Variants in PALM2AKAP2 observed in about 807,000 individuals in gnomAD.
PALM2AKAP2 encodes PALM2 and AKAP2 fusion.
A neutral mutation model predicts 71.5 loss-of-function variants in PALM2AKAP2; 37 were observed. The ratio of observed to expected loss-of-function variants is 0.52; its 90% CI spans 0.40 to 0.68. PALM2AKAP2 has a LOEUF of 0.68. Ranked by LOEUF, PALM2AKAP2 falls within the 30% of genes least tolerant of loss-of-function variation. PALM2AKAP2 has a pLI of 0.00. For synonymous variants in PALM2AKAP2, 468 were observed against 478.8 expected, an observed-to-expected ratio of 0.98 and a Z score of 0.29; for missense variants, 1,224 against 1,191.8, an observed-to-expected ratio of 1.03 and a Z score of -0.40.
At chr9:109,946,783 G>A (rs1389698256) in intron 6 of PALM2AKAP2, 2 of 147,548 alleles carry the variant, frequency 1.4e-5, no homozygotes, top group Non-Finnish European at 3.0e-5. Flanking sequence ...TATCTCATTT[G>A]TATACAAATA....
At chr9:109,651,574 C>G (rs527350999) in intron 1 of PALM2AKAP2, among the ~76,000 whole-genome samples, 6 of 152,320 alleles carry the variant, frequency 3.9e-5, no homozygotes, top group Admixed American at 3.3e-4. Flanking sequence ...CACTGAAAGT[C>G]TTATGAGAAC....
At chr9:110,051,963 C>T (rs931447648) in intron 1 of PALM2AKAP2, among the ~76,000 whole-genome samples, 19 of 150,846 alleles carry the variant, frequency 1.3e-4, no homozygotes, top group African/African-American at 2.9e-4. Context: ...AATGCAGTGG[C>T]GCGATCTCGG....
chr9:110,133,246 C>T (rs1835773593), intron 1 of PALM2AKAP2, among the ~76,000 whole-genome samples: 2 of 152,150 alleles, frequency 1.3e-5, no homozygotes, highest in Non-Finnish European at 2.9e-5. Flanking sequence ...GAAAAGTGTT[C>T]TTGGGAAATG....
intron 7 of PALM2AKAP2, among the ~76,000 whole-genome samples, chr9:110,016,727 G>C (rs938530175): frequency 2.0e-5 from 3 of 152,150 alleles, no homozygotes; most frequent in Non-Finnish European, 2.9e-5. Flanking sequence ...TCCTCTCTTA[G>C]AACTCTGCTA....
chr9:109,851,215 A>C lies in PALM2AKAP2; in HGVS notation c.46-16276A>C, dbSNP rs375618397. Among the ~76,000 whole-genome samples the C allele has an allele frequency of 5.2e-3, 454 of 87,070 alleles. 6 individuals carry two copies. Among genetic ancestry groups the C allele is most frequent in the African/African-American group, 0.023 (424 of 18,088 alleles). 57.1% of individuals were successfully genotyped at this position (87,070 alleles called of 152,430 possible). ...ACAACAACAACAACAACAACAAAAA[A>C]AAAAAAACACTACCTGGTAGTGTTT... is the stretch of plus-strand genomic sequence containing the variant. On this transcript the variant is annotated intron_variant, in intron 1 of 9. Transcript: ENST00000302798.
intron 1 of PALM2AKAP2, among the ~76,000 whole-genome samples, chr9:109,725,840 A>G (rs1228084702): frequency 6.6e-6 from 1 of 152,244 alleles, no homozygotes; most frequent in Non-Finnish European, 1.5e-5. Context: ...AAAAAGTAGC[A>G]AAATGGAATG....
chr9:110,005,361 A>G lies in PALM2AKAP2; in HGVS notation c.497-10593A>G, dbSNP rs773000459. Among the ~76,000 whole-genome samples the G allele has an allele frequency of 2.0e-5, 3 of 152,176 alleles. 1 individual carries two copies. Among genetic ancestry groups the G allele is most frequent in the South Asian group, 4.1e-4 (2 of 4,834 alleles). ...CAGCAGATATTGGTGAACAGCAAAT[A>G]TTGCTCCCTGATCATTCCTCTGGAA... On this transcript the variant is annotated intron_variant, in intron 6 of 9. Transcript: ENST00000302798.
chr9:109,931,881 C>A, intron 5 of PALM2AKAP2, 46 bp from the exon 6 acceptor site: 1 of 1,598,984 alleles, frequency 6.3e-7, no homozygotes. Flanking sequence ...ACCCATTGGG[C>A]CTCCCAACAC....
chr9:109,921,071 G>A (rs559120691), intron 3 of PALM2AKAP2, among the ~76,000 whole-genome samples: 16 of 152,320 alleles, frequency 1.1e-4, no homozygotes, highest in Admixed American at 6.5e-5. Context: ...CGTATCTCTA[G>A]ATTGGCCAGC....
intron 1 of PALM2AKAP2, among the ~76,000 whole-genome samples, chr9:109,723,930 A>G (rs1000195530): frequency 6.6e-6 from 1 of 152,242 alleles, no homozygotes; most frequent in Non-Finnish European, 1.5e-5. Context: ...GGATTAATAA[A>G]TGTATGTCAG....
chr9:109,673,083 C>T (rs991106491), intron 1 of PALM2AKAP2, among the ~76,000 whole-genome samples: 5 of 151,336 alleles, frequency 3.3e-5, no homozygotes, highest in African/African-American at 9.7e-5. Flanking sequence ...TTTTTGTGTA[C>T]GTGTGTGTGT....
intron 1 of PALM2AKAP2, among the ~76,000 whole-genome samples, chr9:109,798,387 A>T (rs902633653): frequency 6.6e-6 from 1 of 152,190 alleles, no homozygotes; most frequent in Non-Finnish European, 1.5e-5. Flanking sequence ...GCTTCTGGCT[A>T]TGGCAGTAGA....
rs190217177 is a variant in PALM2AKAP2, at chr9:109,692,422, A to G, written c.5+51556A>G. On this transcript the variant is annotated intron_variant, in intron 1 of 6. Transcript: ENST00000374531. Reference sequence around the variant, plus strand: ...ATATAGTCTTAATTATTCTTTTCTTATATCTATCTTTTACTTCTTTACTTT... The same window carrying G: ...ATATAGTCTTAATTATTCTTTTCTTGTATCTATCTTTTACTTCTTTACTTT... Among the ~76,000 whole-genome samples the G allele has an allele frequency of 1.3e-4, 20 of 151,960 alleles. No individual in the cohort carries two copies. The East Asian group carries it at 1.7e-3, about 13-fold the overall frequency.
At chr9:110,066,040 A>AGAGTTCCC (rs1834072889) in intron 1 of PALM2AKAP2, among the ~76,000 whole-genome samples, 1 of 152,248 alleles carries the variant, frequency 6.6e-6, no homozygotes, top group African/African-American at 2.4e-5. Flanking sequence ...AGGCATCAAA[A>AGAGTTCCC]GAGTTCCCCA....
chr9:109,727,847 A>G (rs1363888970), intron 1 of PALM2AKAP2, among the ~76,000 whole-genome samples: 2 of 152,250 alleles, frequency 1.3e-5, no homozygotes, highest in Non-Finnish European at 2.9e-5. Flanking sequence ...ACGGGAACAC[A>G]GTCTACCTGA....
chr9:109,922,347 A>C (rs1459302431), intron 3 of PALM2AKAP2, among the ~76,000 whole-genome samples: 2 of 141,290 alleles, frequency 1.4e-5, no homozygotes, highest in Non-Finnish European at 3.0e-5. Flanking sequence ...GCTTGAGCCC[A>C]AGAGGTAGAG....
rs149555034 is a variant in PALM2AKAP2, at chr9:109,697,391, A to G, written c.5+56525A>G. 9.1e-3 allele frequency among the ~76,000 whole-genome samples: 1,381 copies of G among 152,280 alleles called. 24 individuals are homozygous for G. The highest frequency in any genetic ancestry group is 0.032 in the African/African-American group (1,317 of 41,562). ...TTTGCTTGTTGCAGAGGGGAGGCCA[A>G]TTGGGGTCTATGAAATTAGAAGGAA... On this transcript the variant is annotated intron_variant, in intron 1 of 6. Transcript: ENST00000374531.
intron 6 of PALM2AKAP2, among the ~76,000 whole-genome samples, chr9:109,981,495 C>G (rs1292872616): frequency 6.6e-6 from 1 of 152,170 alleles, no homozygotes; most frequent in Non-Finnish European, 1.5e-5. Flanking sequence ...TGGTCCCCAT[C>G]GCCCACAAAG....
chr9:109,929,180 T>TG (rs1831031857), intron 5 of PALM2AKAP2, among the ~76,000 whole-genome samples: 1 of 148,608 alleles, frequency 6.7e-6, no homozygotes, highest in African/African-American at 2.5e-5. Flanking sequence ...TTTTTTTTTT[T>TG]TTGTTTCTTT....
Sources: gnomAD v4.1 joint callset for allele counts (sites outside exome capture counted in the v4.1 genomes callset) on GRCh38, gnomAD v4.1.1 for gene constraint, MANE v1.5 for transcripts, NCBI Gene and HGNC (gene_info 2026-07-23, HGNC 2026-07-21) for gene names.